Variants in SLC6A16 observed in about 807,000 individuals in gnomAD.
SLC6A16 encodes the protein orphan sodium- and chloride-dependent neurotransmitter transporter NTT5.
SLC6A16 carries 54 observed loss-of-function variants against 65.4 expected under a neutral mutation model. That is an observed-to-expected ratio of 0.83 (90% CI 0.66 to 1.04). The LOEUF is 1.04. SLC6A16 is among the 50% of genes least tolerant of loss of function. The pLI, the probability that SLC6A16 is intolerant of heterozygous loss-of-function variation, is 0.00. For missense variants in SLC6A16, 816 were observed against 914.0 expected, an observed-to-expected ratio of 0.89 and a Z score of 1.38; for synonymous variants, 330 against 346.5, an observed-to-expected ratio of 0.95 and a Z score of 0.53.
chr19:49,333,263 A>G, the SLC6A16 span, among the ~76,000 whole-genome samples: 1 of 152,070 alleles, frequency 6.6e-6, no homozygotes, highest in Non-Finnish European at 1.5e-5. Context: ...ACTTGAGGTC[A>G]GGAGTTCGAG....
chr19:49,337,721 C>T, the SLC6A16 span: 3 of 1,535,018 alleles, frequency 2.0e-6, no homozygotes, highest in East Asian at 4.9e-5. Flanking sequence ...AAATAGACGC[C>T]CTGAAAGAAG....
At chr19:49,307,198 T>C (rs1003276547) in intron 7 of SLC6A16, among the ~76,000 whole-genome samples, 4 of 151,856 alleles carry the variant, frequency 2.6e-5, no homozygotes, top group African/African-American at 4.8e-5. Flanking sequence ...CATTTTTCCA[T>C]ATGTAGGTAA....
intron 7 of SLC6A16, among the ~76,000 whole-genome samples, chr19:49,299,534 T>TAA (rs761974008): frequency 2.5e-4 from 9 of 36,322 alleles, no homozygotes; most frequent in Non-Finnish European, 4.2e-4. Flanking sequence ...AGGCTTGGTG[T>TAA]AAAAAAAAAA....
intron 11 of SLC6A16, 62 bp downstream of exon 11, chr19:49,290,543 G>T (rs1255155482): frequency 6.3e-7 from 1 of 1,588,306 alleles, no homozygotes; most frequent in South Asian, 1.1e-5. Flanking sequence ...CTTTCACCCA[G>T]AGTGAATTGA....
intron 10 of SLC6A16, among the ~76,000 whole-genome samples, chr19:49,291,129 G>C (rs1340893503): frequency 6.6e-6 from 1 of 152,162 alleles, no homozygotes; most frequent in Admixed American, 6.5e-5. Context: ...AGTGGCATTT[G>C]GCCCTTGGTG....
upstream of SLC6A16, among the ~76,000 whole-genome samples, chr19:49,329,218 G>A (rs750423055): frequency 1.3e-5 from 2 of 151,742 alleles, no homozygotes; most frequent in South Asian, 2.1e-4. Flanking sequence ...TCAGCCTCCC[G>A]AGTAGCTGGG....
chr19:49,315,128 CAG>C lies in SLC6A16; in HGVS notation c.-64-3719_-64-3718del, dbSNP rs577055809. Among the ~76,000 whole-genome samples the C allele has an allele frequency of 1.7e-3, 258 of 152,082 alleles. 1 individual carries two copies. The highest frequency in any genetic ancestry group is 6.0e-3 in the African/African-American group (247 of 41,498). On this transcript the variant is annotated intron_variant, in intron 1 of 11. Transcript: ENST00000335875. ...ATAGGTTCCATCCTCATGTCAAAAACAGAGAAACTTCTGCTACATAAACAAGA... is the reference window on the plus strand; with the variant it reads ...ATAGGTTCCATCCTCATGTCAAAAACAGAAACTTCTGCTACATAAACAAGA...
chr19:49,310,431 C>A lies in SLC6A16; in HGVS notation c.495G>T (p.Gln165His). The A allele has an allele frequency of 6.2e-7, 1 of 1,614,164 alleles. No individual in the cohort carries two copies. The highest frequency in any genetic ancestry group is 1.1e-5 in the South Asian group (1 of 91,084). ...PLLFLEMAAG[Q>H]SMRQGGMGVW... ...CACCCATGCCACCCTGACGCATGCTCTGACCAGCTGCCATCTCCAGGAAGA... is the reference window on the plus strand; with the variant it reads ...CACCCATGCCACCCTGACGCATGCTATGACCAGCTGCCATCTCCAGGAAGA... Residue 165 changes from glutamine (Q) to histidine (H), a missense_variant, in exon 3 of 12, where the codon CAG becomes CAT. By Grantham distance (24) the Gln-to-His change is conservative. Transcript: ENST00000335875.
At chr19:49,303,441 G>A (rs1970324845) in intron 7 of SLC6A16, among the ~76,000 whole-genome samples, 1 of 152,138 alleles carries the variant, frequency 6.6e-6, no homozygotes, top group Non-Finnish European at 1.5e-5. Flanking sequence ...GAGGCCAGGA[G>A]TTCAAGACCA....
chr19:49,339,587 G>A, the SLC6A16 span: 1 of 1,451,416 alleles, frequency 6.9e-7, no homozygotes, highest in Admixed American at 2.8e-5. The surrounding 1 kb of genome is among the most constrained non-coding windows in gnomAD (Gnocchi z 4.5). Context: ...CAGCTTCAGG[G>A]AGCCCTGATT....
At chr19:49,318,868 ATTT>A (rs71180618) in intron 1 of SLC6A16, among the ~76,000 whole-genome samples, 1 of 104,582 alleles carries the variant, frequency 9.6e-6, no homozygotes. Flanking sequence ...ACAACTGGCT[ATTT>A]TTTTTTTTTT....
chr19:49,307,698 G>A (rs1457207398), intron 7 of SLC6A16, among the ~76,000 whole-genome samples: 1 of 115,372 alleles, frequency 8.7e-6, no homozygotes, highest in African/African-American at 3.5e-5. Flanking sequence ...AAATCTGCTG[G>A]GAGAGAGAGG....
intron 1 of SLC6A16, among the ~76,000 whole-genome samples, chr19:49,317,486 G>C (rs1187782613): frequency 6.6e-6 from 1 of 152,018 alleles, no homozygotes; most frequent in African/African-American, 2.4e-5. Flanking sequence ...ACAGTGTCTG[G>C]AGTTACCTCC....
intron 7 of SLC6A16, 143 bp downstream of exon 7, chr19:49,308,733 A>T: frequency 2.3e-6 from 2 of 855,962 alleles, no homozygotes; most frequent in Non-Finnish European, 3.7e-6. Flanking sequence ...CTCCATTTTT[A>T]GCTATGGGGA....
At chr19:49,333,035 G>A in the SLC6A16 span, among the ~76,000 whole-genome samples, 1 of 152,094 alleles carries the variant, frequency 6.6e-6, no homozygotes, top group African/African-American at 2.4e-5. Flanking sequence ...GGTGGTGCAT[G>A]CCTGTAATCC....
At chr19:49,337,886 C>T in the SLC6A16 span, 1 of 1,202,136 alleles carries the variant, frequency 8.3e-7, no homozygotes, top group Non-Finnish European at 1.2e-6. Context: ...AGGGGTGGGG[C>T]GGGGAAGATA....
At chr19:49,302,338 G>A (rs556457707) in intron 7 of SLC6A16, among the ~76,000 whole-genome samples, 5 of 152,152 alleles carry the variant, frequency 3.3e-5, no homozygotes, top group African/African-American at 1.2e-4. Context: ...CACAGCCACT[G>A]TGGACCTCCC....
Position 49,310,024 on chromosome 19 carries a change from T to G in SLC6A16, c.700+16A>C. On this transcript the variant is annotated intron_variant, in intron 4 of 11. Coordinates refer to ENST00000335875, the MANE Select transcript of SLC6A16 (RefSeq NM_014037.3). ...CTCCATTTTTCCCTTCTCCTCTTCT[T>G]TCACTTCCTCCTCACCAAAGCCACT... 1.2e-6 allele frequency: 2 copies of G among 1,612,966 alleles called. No individual in the cohort carries two copies. The highest frequency in any genetic ancestry group is 2.2e-5 in the South Asian group (2 of 91,008).
intron 6 of SLC6A16, 29 bp downstream of exon 6, chr19:49,309,272 T>A (rs762462641): frequency 1.3e-6 from 2 of 1,590,746 alleles, no homozygotes; most frequent in Non-Finnish European, 1.7e-6. Context: ...CTACAAGGCC[T>A]GACGGGGGAG....
Sources: allele counts gnomAD v4.1 joint callset (sites outside exome capture counted in the v4.1 genomes callset), GRCh38; gene constraint gnomAD v4.1.1; non-coding constraint Gnocchi (gnomAD v3.1); transcripts MANE v1.5; gene names NCBI Gene and HGNC (gene_info 2026-07-23, HGNC 2026-07-21).